UBR4: variants seen among roughly 807,000 people sequenced by gnomAD.
The protein encoded by UBR4 is E3 ubiquitin-protein ligase UBR4.
UBR4 carries 124 observed loss-of-function variants against 575.6 expected under a neutral mutation model. That is an observed-to-expected ratio of 0.22 (90% CI 0.19 to 0.25). The LOEUF is 0.25. Ranked by LOEUF, UBR4 falls within the 10% of genes least tolerant of loss-of-function variation. The pLI, the probability that UBR4 is intolerant of heterozygous loss-of-function variation, is 1.00. For synonymous variants in UBR4, 2,455 were observed against 2,473.7 expected, an observed-to-expected ratio of 0.99 and a Z score of 0.22; for missense variants, 4,818 against 6,478.8, an observed-to-expected ratio of 0.74 and a Z score of 8.80.
Position 19,153,680 on chromosome 1 carries a change from A to G in UBR4, c.6630+88T>C. The G allele has an allele frequency of 6.5e-7, 1 of 1,530,120 alleles. No homozygotes were observed. The highest frequency in any genetic ancestry group is 2.3e-5 in the East Asian group (1 of 44,342). 94.8% of individuals were successfully genotyped at this position (1,530,120 alleles called of 1,614,324 possible). A position where few individuals can be genotyped will look rare whatever the true frequency, so the allele number is the denominator to read the frequency against. On this transcript the variant is annotated intron_variant, in intron 45 of 105. Coordinates refer to ENST00000375254, the MANE Select transcript of UBR4 (RefSeq NM_020765.3). The surrounding 1 kb of genome is among the most constrained non-coding windows in gnomAD (Gnocchi z 4.1). ...GAAAATCTTTTATGGGCCTCCATTG[A>G]AAGAGCTGGGAAAGTGAAATGAATA...
intron 43 of UBR4, 149 bp from the exon 44 acceptor site, chr1:19,155,224 A>T (rs1315223552): frequency 8.2e-7 from 1 of 1,222,556 alleles, no homozygotes; most frequent in African/African-American, 1.5e-5. Context: ...AAAGACCCTG[A>T]GAAAAATGGA....
intron 91 of UBR4, 37 bp from the exon 92 acceptor site, chr1:19,096,687 A>T: frequency 6.2e-7 from 1 of 1,611,730 alleles, no homozygotes; most frequent in Non-Finnish European, 8.5e-7. Context: ...AATGGAGGGT[A>T]AGGTGAAGAT....
chr1:19,100,442 A>G lies in UBR4; in HGVS notation c.13155T>C (p.Asp4385=), dbSNP rs754162242. 1 of 1,614,076 alleles carries G rather than the reference A, an allele frequency of 6.2e-7. No homozygotes were observed. The highest frequency in any genetic ancestry group is 1.1e-5 in the South Asian group (1 of 91,076). ...NEPGIGPLMR[D]IKNKICQDCD... ...AGTCCTGGCAAATCTTGTTCTTTAT[A>G]TCCCTCATCAGCGGCCCGATGCCTG... The change falls in exon 89 of 106, where the codon GAT becomes GAC. Residue 4385 remains aspartate, a synonymous_variant. Coordinates refer to ENST00000375254, the MANE Select transcript of UBR4 (RefSeq NM_020765.3). The surrounding 1 kb of genome is among the most constrained non-coding windows in gnomAD (Gnocchi z 4.2).
chr1:19,169,557 A>AATC, intron 26 of UBR4, 25 bp from the exon 27 acceptor site: 1 of 1,600,678 alleles, frequency 6.2e-7, no homozygotes, highest in African/African-American at 1.3e-5. Flanking sequence ...AAGGACAAGG[A>AATC]ATCATCACAA....
At position 19,144,819 on chromosome 1, in the gene UBR4, T is replaced by A; in HGVS notation, c.8034A>T (p.Ala2678=). 6.2e-7 allele frequency: 1 copy of A among 1,613,940 alleles called. No homozygotes were observed. The highest frequency in any genetic ancestry group is 8.5e-7 in the Non-Finnish European group (1 of 1,179,920). The change falls in exon 54 of 106, where the codon GCA becomes GCT. Residue 2678 remains alanine, a synonymous_variant. Transcript: ENST00000375254. ...CTCELDCINT[A]SKIYMQMLLC... ...AGAGCATCTGCATGTAGATCTTGGA[T>A]GCTGTGTTAATACAATCCAGCTCAC...
chr1:19,186,413 T>A lies in UBR4; in HGVS notation c.1750+127A>T, dbSNP rs572936543. The A allele has an allele frequency of 1.0e-4, 68 of 666,420 alleles. 2 individuals are homozygous for A. The East Asian group carries it at 1.8e-3, about 18-fold the overall frequency. The allele number at this position is 666,420 out of a possible 1,614,324, so 41.3% of individuals were successfully genotyped here. A position where few individuals can be genotyped will look rare whatever the true frequency, so the allele number is the denominator to read the frequency against. On this transcript the variant is annotated intron_variant, in intron 14 of 105. Transcript: ENST00000375254. ...TCTTTGAATGCACATAAAACCAAGGTCCAGGCTAAGCAGGTGAAAACAAAA... is the reference window on the plus strand; with the variant it reads ...TCTTTGAATGCACATAAAACCAAGGACCAGGCTAAGCAGGTGAAAACAAAA...
chr1:19,099,759 A>T, intron 89 of UBR4, 82 bp from the exon 90 acceptor site: 1 of 1,192,746 alleles, frequency 8.4e-7, no homozygotes, highest in Admixed American at 2.2e-5. Context: ...ACCTTACGGC[A>T]ATGGTTGATA....
In UBR4 at chr1:19,198,042, C is replaced by A; in HGVS notation, c.656G>T (p.Gly219Val). Residue 219 changes from glycine (G) to valine (V), a missense_variant, in exon 6 of 106, where the codon GGA (glycine) becomes GTA (valine). Coordinates refer to ENST00000375254, the MANE Select transcript of UBR4 (RefSeq NM_020765.3). Reference protein sequence around the residue: ...QPISTQTLVEGENDEQSSTDQ... With the variant: ...QPISTQTLVEVENDEQSSTDQ... ...TGTAGATGACTGCTCATCATTTTCT[C>A]CTTCCACCTGAAAAGAAACATAAGG... 3 of 1,613,700 alleles carry A rather than the reference C, an allele frequency of 1.9e-6. No homozygotes were observed. The highest frequency in any genetic ancestry group is 2.5e-6 in the Non-Finnish European group (3 of 1,179,982).
chr1:19,108,908 A>T (rs142867234), intron 81 of UBR4, among the ~76,000 whole-genome samples: 1 of 152,270 alleles, frequency 6.6e-6, no homozygotes, highest in East Asian at 1.9e-4. Flanking sequence ...TCCGTGAAAA[A>T]TCTCCCTTTG....
At chr1:19,150,271 G>T (rs557301723) in intron 49 of UBR4, among the ~76,000 whole-genome samples, 1 of 152,136 alleles carries the variant, frequency 6.6e-6, no homozygotes, top group African/African-American at 2.4e-5. Context: ...TCCTAATCTA[G>T]AATACTGGCT....
intron 25 of UBR4, 58 bp downstream of exon 25, chr1:19,172,806 C>A (rs1002188592): frequency 5.9e-6 from 9 of 1,524,068 alleles, no homozygotes; most frequent in Non-Finnish European, 7.3e-6. Flanking sequence ...TGAGTCAATG[C>A]GGGATCTGCA....
chr1:19,210,263 CT>C lies in UBR4; in HGVS notation c.-16del. The C allele has an allele frequency of 6.9e-7, 1 of 1,441,234 alleles. No homozygotes were observed. Among genetic ancestry groups the C allele is most frequent in the Non-Finnish European group, 9.1e-7 (1 of 1,103,746 alleles). 89.3% of individuals were successfully genotyped at this position (1,441,234 alleles called of 1,614,324 possible). ...CTCGTCGCCATCTTCCGTCGTACTACTGCGGCTCCCTCCGGGGGCTTGCCAC... is the reference window on the plus strand; with the variant it reads ...CTCGTCGCCATCTTCCGTCGTACTACGCGGCTCCCTCCGGGGGCTTGCCAC... On this transcript the variant is annotated 5_prime_UTR_variant, in exon 1 of 106. Coordinates refer to ENST00000375254, the MANE Select transcript of UBR4 (RefSeq NM_020765.3).
chr1:19,102,128 A>C (rs1246463172), intron 87 of UBR4, among the ~76,000 whole-genome samples: 1 of 152,252 alleles, frequency 6.6e-6, no homozygotes, highest in Non-Finnish European at 1.5e-5. Context: ...GTCTTTAAAA[A>C]ATAAGGTCTT....
At position 19,157,519 on chromosome 1, in the gene UBR4, C is replaced by T. The variant is rs1487081215; in HGVS notation, c.5760+296G>A. ...GACCAAACAGGGCAAGACTGGGAGC[C>T]AAGCCGTCCTCGGTAACTGCTAATC... On this transcript the variant is annotated intron_variant, in intron 40 of 105. Coordinates refer to ENST00000375254, the MANE Select transcript of UBR4 (RefSeq NM_020765.3). The surrounding 1 kb of genome is among the most constrained non-coding windows in gnomAD (Gnocchi z 4.4). Among the ~76,000 whole-genome samples, 1 of 152,250 alleles carries T rather than the reference C, an allele frequency of 6.6e-6. No individual in the cohort carries two copies. The highest frequency in any genetic ancestry group is 2.4e-5 in the African/African-American group (1 of 41,474).
chr1:19,094,802 G>A lies in UBR4; in HGVS notation c.13746+104C>T, dbSNP rs753589543. The A allele has an allele frequency of 1.6e-4, 232 of 1,473,146 alleles. No homozygotes were observed. The African/African-American group carries it at 2.9e-3, about 18-fold the overall frequency. The allele number at this position is 1,473,146 out of a possible 1,614,324, so 91.3% of individuals were successfully genotyped here. A position where few individuals can be genotyped will look rare whatever the true frequency, so the allele number is the denominator to read the frequency against. On this transcript the variant is annotated intron_variant, in intron 94 of 105. Transcript: ENST00000375254. ...ACATTCCAATGCTTAAGCAGGCTCC[G>A]CCATTCTCAGGTGGGCTAAGCCAGA...
chr1:19,122,739 A>G (rs2081313520), intron 66 of UBR4, 94 bp downstream of exon 66: 2 of 1,381,392 alleles, frequency 1.4e-6, no homozygotes, highest in East Asian at 2.3e-5. Context: ...AACACAGTTA[A>G]AAGTCCTGCA....
At chr1:19,188,356 C>A (rs2091760784) in intron 11 of UBR4, among the ~76,000 whole-genome samples, 1 of 152,076 alleles carries the variant, frequency 6.6e-6, no homozygotes, top group Non-Finnish European at 1.5e-5. Flanking sequence ...AAGTTCAAGA[C>A]CAACCTGGGC....
intron 85 of UBR4, 175 bp from the exon 86 acceptor site, chr1:19,104,841 C>G (rs895214282): frequency 1.3e-5 from 14 of 1,097,582 alleles, no homozygotes; most frequent in African/African-American, 3.2e-5. Flanking sequence ...TAAGGGATTG[C>G]TTAAAAACTG....
chr1:19,161,275 C>G, intron 37 of UBR4, 128 bp from the exon 38 acceptor site: 1 of 899,180 alleles, frequency 1.1e-6, no homozygotes, highest in Admixed American at 2.5e-5. Flanking sequence ...TATCCAAAAG[C>G]CTAAATTCTG....
Sources: allele counts gnomAD v4.1 joint callset (sites outside exome capture counted in the v4.1 genomes callset), GRCh38; gene constraint gnomAD v4.1.1; non-coding constraint Gnocchi (gnomAD v3.1); transcripts MANE v1.5; gene names NCBI Gene and HGNC (gene_info 2026-07-23, HGNC 2026-07-21).